Variants in CNTLN observed in about 807,000 individuals in gnomAD.
The protein encoded by CNTLN is centlein, centrosomal protein.
CNTLN carries 212 observed loss-of-function variants against 180.0 expected under a neutral mutation model. That is an observed-to-expected ratio of 1.18 (90% CI 1.05 to 1.32). The LOEUF (loss-of-function observed/expected upper bound fraction) is 1.32, where lower values mean the gene tolerates loss of function less well. Ranked by LOEUF, CNTLN falls within the 40% of genes most tolerant of loss-of-function variation. The pLI is 0.00. For missense variants in CNTLN, 2,095 were observed against 1,610.9 expected, an observed-to-expected ratio of 1.30 and a Z score of -5.14; for synonymous variants, 722 against 563.1, an observed-to-expected ratio of 1.28 and a Z score of -3.99.
intron 6 of CNTLN, among the ~76,000 whole-genome samples, chr9:17,292,963 G>A (rs748288015): frequency 1.6e-4 from 25 of 152,128 alleles, no homozygotes; most frequent in Non-Finnish European, 3.2e-4. Flanking sequence ...GGACCTTTTT[G>A]TTGATGCTGT....
At chr9:17,282,530 G>C (rs1192403664) in intron 6 of CNTLN, among the ~76,000 whole-genome samples, 3 of 152,130 alleles carry the variant, frequency 2.0e-5, no homozygotes, top group Non-Finnish European at 4.4e-5. Flanking sequence ...CTCCCATTCT[G>C]TAGGTTGCCT....
In CNTLN at chr9:17,401,349, G is replaced by A. The variant is rs566453908; in HGVS notation, c.2615+6280G>A. Among the ~76,000 whole-genome samples the A allele has an allele frequency of 7.8e-4, 118 of 152,038 alleles. 1 individual carries two copies. The highest frequency in any genetic ancestry group is 2.7e-3 in the African/African-American group (113 of 41,492). The stretch of plus-strand genomic sequence containing the variant: ...TTGTCTGACTACCTAATATAGTACG[G>A]TACATTAAAGCAAAATCCATATAGA... On this transcript the variant is annotated intron_variant, in intron 15 of 25. Transcript: ENST00000380647.
At chr9:17,220,373 T>G (rs532073087) in intron 2 of CNTLN, among the ~76,000 whole-genome samples, 24 of 152,182 alleles carry the variant, frequency 1.6e-4, no homozygotes, top group African/African-American at 5.3e-4. Context: ...AAGTTTATTA[T>G]AGAAGAGGGG....
intron 15 of CNTLN, among the ~76,000 whole-genome samples, chr9:17,403,599 A>AT (rs1827149590): frequency 6.7e-6 from 1 of 149,104 alleles, no homozygotes; most frequent in South Asian, 2.1e-4. Flanking sequence ...TGTCTATTAT[A>AT]TTTTTACCAA....
chr9:17,347,077 A>G (rs1012395496), intron 12 of CNTLN, among the ~76,000 whole-genome samples: 1 of 152,092 alleles, frequency 6.6e-6, no homozygotes, highest in Non-Finnish European at 1.5e-5. Flanking sequence ...TTCTTTATGT[A>G]TAATTGTTTA....
chr9:17,198,018 G>A (rs1176700162), intron 2 of CNTLN, among the ~76,000 whole-genome samples: 3 of 152,000 alleles, frequency 2.0e-5, no homozygotes, highest in Non-Finnish European at 4.4e-5. Context: ...TATATTCTTG[G>A]TGTCTTTGTT....
intron 5 of CNTLN, among the ~76,000 whole-genome samples, chr9:17,241,037 T>G (rs968162236): frequency 7.2e-5 from 11 of 152,090 alleles, no homozygotes; most frequent in African/African-American, 2.4e-4. Flanking sequence ...TTTTTGTATT[T>G]TTAGTAGAGA....
chr9:17,431,630 A>C (rs1438941623), intron 18 of CNTLN, among the ~76,000 whole-genome samples: 1 of 152,102 alleles, frequency 6.6e-6, no homozygotes, highest in East Asian at 1.9e-4. Flanking sequence ...AGTGCCCTGA[A>C]GTGTTTTTTC....
At chr9:17,169,287 C>T (rs886986678) in intron 2 of CNTLN, among the ~76,000 whole-genome samples, 1 of 152,110 alleles carries the variant, frequency 6.6e-6, no homozygotes, top group African/African-American at 2.4e-5. Context: ...TCTGAGCCAC[C>T]ACACTTGGCC....
chr9:17,226,538 A>G (rs1299694318), intron 3 of CNTLN, among the ~76,000 whole-genome samples: 1 of 151,906 alleles, frequency 6.6e-6, no homozygotes, highest in Non-Finnish European at 1.5e-5. Context: ...GTATCTAGCT[A>G]TTATTCTTTA....
At chr9:17,399,147 A>G (rs1384890227) in intron 15 of CNTLN, among the ~76,000 whole-genome samples, 1 of 152,156 alleles carries the variant, frequency 6.6e-6, no homozygotes, top group East Asian at 1.9e-4. Context: ...TCTTTGCTGA[A>G]GATGCTATGT....
At chr9:17,266,544 T>G (rs1587410516) in intron 5 of CNTLN, among the ~76,000 whole-genome samples, 1 of 152,282 alleles carries the variant, frequency 6.6e-6, no homozygotes, top group Middle Eastern at 3.4e-3. Flanking sequence ...TCTGTAGATG[T>G]CTATTAAGTC....
intron 2 of CNTLN, among the ~76,000 whole-genome samples, chr9:17,197,564 G>A (rs924844660): frequency 4.6e-5 from 7 of 152,108 alleles, no homozygotes; most frequent in Admixed American, 1.3e-4. Context: ...CAGATCTTTT[G>A]TTCATTTTAA....
chr9:17,271,285 C>T (rs1056450976), intron 5 of CNTLN, among the ~76,000 whole-genome samples: 1 of 151,972 alleles, frequency 6.6e-6, no homozygotes, highest in African/African-American at 2.4e-5. Context: ...TGGGGGCGCA[C>T]CATAAATCAT....
rs556823326 is a variant in CNTLN, at chr9:17,312,786, T to C, written c.1341+3534T>C. On this transcript the variant is annotated intron_variant, in intron 8 of 25. Coordinates refer to ENST00000380647, the MANE Select transcript of CNTLN (RefSeq NM_017738.4). ...ACTATATGTACCTGAGAATAATTTGTATTTTGCAACTACTGGGCAGAGTGC... is the reference window on the plus strand; with the variant it reads ...ACTATATGTACCTGAGAATAATTTGCATTTTGCAACTACTGGGCAGAGTGC... Among the ~76,000 whole-genome samples the C allele has an allele frequency of 2.6e-5, 4 of 152,248 alleles. No individual in the cohort carries two copies. In the South Asian group the frequency reaches 6.2e-4, roughly 24 times the overall value.
intron 23 of CNTLN, among the ~76,000 whole-genome samples, chr9:17,483,394 G>T (rs115223539): frequency 0.035 from 5,315 of 152,212 alleles, 312 homozygotes; most frequent in African/African-American, 0.12. Context: ...AACAGGGATA[G>T]AATTAAGTAA....
intron 2 of CNTLN, among the ~76,000 whole-genome samples, chr9:17,177,421 AT>A (rs778739304): frequency 6.6e-6 from 1 of 151,922 alleles, no homozygotes. Context: ...AAAAAAAAAA[AT>A]TATTTTCAGT....
At chr9:17,180,950 A>T (rs1821088597) in intron 2 of CNTLN, among the ~76,000 whole-genome samples, 1 of 151,978 alleles carries the variant, frequency 6.6e-6, no homozygotes, top group Non-Finnish European at 1.5e-5. Flanking sequence ...TAATAATGGT[A>T]TTTCTGTGTC....
At chr9:17,473,349 CT>C (rs1401763356) in intron 23 of CNTLN, among the ~76,000 whole-genome samples, 1 of 152,050 alleles carries the variant, frequency 6.6e-6, no homozygotes, top group Non-Finnish European at 1.5e-5. Context: ...TAATTTCCTC[CT>C]TTTTTTCATT....
Sources: allele counts gnomAD v4.1 joint callset (sites outside exome capture counted in the v4.1 genomes callset), GRCh38; gene constraint gnomAD v4.1.1; transcripts MANE v1.5; gene names NCBI Gene and HGNC (gene_info 2026-07-23, HGNC 2026-07-21).